SH3GL3: variants seen among roughly 807,000 people sequenced by gnomAD.
SH3GL3 encodes endophilin-A3.
A neutral mutation model predicts 47.7 loss-of-function variants in SH3GL3; 33 were observed. The ratio of observed to expected loss-of-function variants is 0.69; its 90% CI spans 0.52 to 0.92. The LOEUF (loss-of-function observed/expected upper bound fraction) is 0.92. SH3GL3 is among the 40% of genes least tolerant of loss of function. The pLI, the probability that SH3GL3 is intolerant of heterozygous loss-of-function variation, is 0.00. For missense variants in SH3GL3, 363 were observed against 417.8 expected, an observed-to-expected ratio of 0.87 and a Z score of 1.14; for synonymous variants, 155 against 148.8, an observed-to-expected ratio of 1.04 and a Z score of -0.30.
intron 1 of SH3GL3, among the ~76,000 whole-genome samples, chr15:83,480,383 A>C (rs2041294674): frequency 6.6e-6 from 1 of 152,222 alleles, no homozygotes; most frequent in South Asian, 2.1e-4. Flanking sequence ...TAAAGTTCTC[A>C]CAGTTTATGA....
At chr15:83,536,643 C>T (rs1236078345) in intron 1 of SH3GL3, among the ~76,000 whole-genome samples, 3 of 151,976 alleles carry the variant, frequency 2.0e-5, no homozygotes, top group Non-Finnish European at 4.4e-5. Flanking sequence ...CTTTGTGATC[C>T]ACCCAAAGTG....
chr15:83,558,669 C>T (rs1396332341), intron 1 of SH3GL3, among the ~76,000 whole-genome samples: 6 of 152,180 alleles, frequency 3.9e-5, no homozygotes, highest in Non-Finnish European at 8.8e-5. Flanking sequence ...CCATTCCTGC[C>T]CCTGGCTCTT....
At chr15:83,572,542 T>G (rs774152158) in intron 4 of SH3GL3, 23 bp from the exon 5 acceptor site, 1 of 1,600,644 alleles carries the variant, frequency 6.2e-7, no homozygotes, top group East Asian at 2.2e-5. Flanking sequence ...AAGAACCTTT[T>G]GTATTTATGT....
chr15:83,457,481 C>T (rs1025792465), intron 1 of SH3GL3, among the ~76,000 whole-genome samples: 8 of 152,182 alleles, frequency 5.3e-5, no homozygotes, highest in African/African-American at 1.9e-4. Context: ...GATAAGGGGT[C>T]ATGAGGGGCC....
At chr15:83,541,311 T>A (rs137943841) in intron 1 of SH3GL3, among the ~76,000 whole-genome samples, 2,975 of 91,820 alleles carry the variant, frequency 0.032, 126 homozygotes, top group African/African-American at 0.11. Flanking sequence ...ATGGTAATTC[T>A]ATTTTTTTTT....
intron 1 of SH3GL3, among the ~76,000 whole-genome samples, chr15:83,449,728 T>C (rs1238272612): frequency 2.6e-5 from 4 of 152,074 alleles, no homozygotes; most frequent in Non-Finnish European, 5.9e-5. Context: ...TTTTTTTTTT[T>C]TTTCGCATGA....
intron 8 of SH3GL3, among the ~76,000 whole-genome samples, chr15:83,601,223 C>G (rs1206170338): frequency 6.6e-6 from 1 of 152,158 alleles, no homozygotes; most frequent in Non-Finnish European, 1.5e-5. Flanking sequence ...GCTAGAACTT[C>G]CAGTACTATA....
At chr15:83,489,563 A>G (rs1237273159) in intron 1 of SH3GL3, among the ~76,000 whole-genome samples, 1 of 152,220 alleles carries the variant, frequency 6.6e-6, no homozygotes, top group Admixed American at 6.5e-5. Context: ...TTATTCTCCT[A>G]TAACTAAAAA....
At chr15:83,542,472 A>T (rs1361382854) in intron 1 of SH3GL3, among the ~76,000 whole-genome samples, 2 of 152,116 alleles carry the variant, frequency 1.3e-5, no homozygotes, top group Non-Finnish European at 2.9e-5. Flanking sequence ...GTGATTCCAT[A>T]TAAGTTTTAG....
chr15:83,459,049 C>T (rs540009733), intron 1 of SH3GL3, among the ~76,000 whole-genome samples: 1 of 152,200 alleles, frequency 6.6e-6, no homozygotes, highest in East Asian at 1.9e-4. Context: ...GGCCCGAGAG[C>T]CCCTGGCAAA....
At chr15:83,468,071 C>G (rs1024700754) in intron 1 of SH3GL3, among the ~76,000 whole-genome samples, 4 of 152,212 alleles carry the variant, frequency 2.6e-5, no homozygotes, top group Admixed American at 2.6e-4. Context: ...ACCTTGTGAT[C>G]TGCCCGCCTT....
intron 1 of SH3GL3, among the ~76,000 whole-genome samples, chr15:83,545,418 A>C (rs1457365962): frequency 6.6e-6 from 1 of 152,132 alleles, no homozygotes; most frequent in African/African-American, 2.4e-5. Flanking sequence ...GAATTCCTTC[A>C]CTGTATTATC....
In SH3GL3 at chr15:83,463,115, G is replaced by A. The variant is rs76318255; in HGVS notation, c.45+15537G>A. Among the ~76,000 whole-genome samples the A allele has an allele frequency of 2.5e-3, 387 of 152,252 alleles. 1 individual carries two copies. Among genetic ancestry groups the A allele is most frequent in the Non-Finnish European group, 4.7e-3 (319 of 68,006 alleles). ...CTCATGCTTGCATATCCGAGATAAG[G>A]CTATCTCAAGGACTTTCTAAAATAA... On this transcript the variant is annotated intron_variant, in intron 1 of 8. Coordinates refer to ENST00000427482, the MANE Select transcript of SH3GL3 (RefSeq NM_003027.5).
At chr15:83,506,256 T>G (rs1289509981) in intron 1 of SH3GL3, among the ~76,000 whole-genome samples, 1 of 152,244 alleles carries the variant, frequency 6.6e-6, no homozygotes, top group Non-Finnish European at 1.5e-5. Flanking sequence ...CATCTGAAAT[T>G]TTTTTAAAGC....
chr15:83,461,443 A>T (rs2040295803), intron 1 of SH3GL3, among the ~76,000 whole-genome samples: 1 of 152,154 alleles, frequency 6.6e-6, no homozygotes, highest in African/African-American at 2.4e-5. Context: ...TATTTAAAAT[A>T]TTGCTAATTC....
chr15:83,550,013 TG>T (rs767517133), intron 1 of SH3GL3, among the ~76,000 whole-genome samples: 6 of 152,194 alleles, frequency 3.9e-5, no homozygotes, highest in Non-Finnish European at 8.8e-5. Context: ...TCTTTAAACT[TG>T]GAAATTTGAA....
intron 8 of SH3GL3, among the ~76,000 whole-genome samples, chr15:83,612,806 C>T (rs2060703904): frequency 6.6e-6 from 1 of 152,154 alleles, no homozygotes; most frequent in African/African-American, 2.4e-5. Context: ...AATCAAAATG[C>T]TAGGCTCTGA....
intron 3 of SH3GL3, among the ~76,000 whole-genome samples, chr15:83,566,365 A>AGAGTGTGTGTGTGTGT (rs1459069703): frequency 4.4e-5 from 6 of 136,626 alleles, no homozygotes; most frequent in African/African-American, 1.4e-4. Context: ...AGAGAGAGAG[A>AGAGTGTGTGTGTGTGT]GTGTGTGTGT....
At chr15:83,546,802 T>C (rs2044422726) in intron 1 of SH3GL3, among the ~76,000 whole-genome samples, 1 of 152,174 alleles carries the variant, frequency 6.6e-6, no homozygotes, top group South Asian at 2.1e-4. Context: ...TCCTTCAGGG[T>C]AGAGTTCTTT....
Sources: gnomAD v4.1 joint callset for allele counts (sites outside exome capture counted in the v4.1 genomes callset) on GRCh38, gnomAD v4.1.1 for gene constraint, MANE v1.5 for transcripts, NCBI Gene and HGNC (gene_info 2026-07-23, HGNC 2026-07-21) for gene names.